The following NUBPL variants were observed in gnomAD, a reference collection of about 807,000 sequenced individuals.
NUBPL encodes NUBP iron-sulfur cluster assembly factor, mitochondrial, also known as iron-sulfur cluster transfer protein NUBPL.
Under a neutral mutation model 45.7 loss-of-function variants are expected in NUBPL, and 31 were observed. The observed-to-expected ratio is 0.68, with a 90% CI of 0.51 to 0.92. The LOEUF (loss-of-function observed/expected upper bound fraction) is 0.92, where lower values mean the gene tolerates loss of function less well. Among genes scored for constraint, NUBPL ranks in the 40% least tolerant of loss-of-function variants. The pLI is 0.00. For missense variants in NUBPL, 401 were observed against 398.7 expected, an observed-to-expected ratio of 1.01 and a Z score of -0.05; for synonymous variants, 144 against 140.9, an observed-to-expected ratio of 1.02 and a Z score of -0.15.
rs116335828 is a variant in NUBPL, at chr14:31,839,363, A to G, written c.694-7108A>G. On this transcript the variant is annotated intron_variant, in intron 8 of 10. Coordinates refer to ENST00000281081, the MANE Select transcript of NUBPL (RefSeq NM_025152.3). Reference sequence around the variant, plus strand: ...GAGGTGCCAAGAACACACAATGGAGAAAGGACAGTTGCTTCAATAAATGGT... The same window carrying G: ...GAGGTGCCAAGAACACACAATGGAGGAAGGACAGTTGCTTCAATAAATGGT... Among the ~76,000 whole-genome samples, 1,021 of 152,260 alleles carry G rather than the reference A, an allele frequency of 6.7e-3. 13 individuals carry two copies. The highest frequency in any genetic ancestry group is 0.023 in the African/African-American group (961 of 41,560).
At chr14:31,684,279 T>TG (rs2036903581) in intron 6 of NUBPL, among the ~76,000 whole-genome samples, 2 of 152,238 alleles carry the variant, frequency 1.3e-5, no homozygotes, top group African/African-American at 4.8e-5. Context: ...GTCATGTACA[T>TG]GGGTTTTGTA....
chr14:31,703,474 T>C (rs144909181), intron 6 of NUBPL, among the ~76,000 whole-genome samples: 2 of 152,318 alleles, frequency 1.3e-5, no homozygotes, highest in African/African-American at 2.4e-5. Context: ...GATAAAGATG[T>C]ACCTGAGACT....
At chr14:31,702,342 C>T (rs1033487974) in intron 6 of NUBPL, among the ~76,000 whole-genome samples, 5 of 152,120 alleles carry the variant, frequency 3.3e-5, no homozygotes, top group African/African-American at 1.2e-4. Flanking sequence ...GATTGATTGT[C>T]CATATGGCTG....
chr14:31,638,342 T>TCATAA (rs2035570803), intron 4 of NUBPL, among the ~76,000 whole-genome samples: 3 of 151,790 alleles, frequency 2.0e-5, no homozygotes, highest in Admixed American at 2.0e-4. Flanking sequence ...TCTCCTTCAC[T>TCATAA]TATGAAGCTT....
chr14:31,562,237 A>G, intron 2 of NUBPL, 22 bp downstream of exon 2: 1 of 1,601,142 alleles, frequency 6.2e-7, no homozygotes, highest in African/African-American at 1.3e-5. Context: ...TATTAATTCT[A>G]TTCCTGATTA....
At chr14:31,650,550 A>G (rs1207496641) in intron 4 of NUBPL, among the ~76,000 whole-genome samples, 1 of 152,068 alleles carries the variant, frequency 6.6e-6, no homozygotes. Context: ...CGGCCTCCCA[A>G]AGTGTTGGGA....
chr14:31,697,987 A>G (rs551461080), intron 6 of NUBPL, among the ~76,000 whole-genome samples: 7 of 152,328 alleles, frequency 4.6e-5, no homozygotes, highest in African/African-American at 1.7e-4. Context: ...ACAGATCCCA[A>G]GCAGGCGATG....
intron 7 of NUBPL, among the ~76,000 whole-genome samples, chr14:31,802,118 G>A (rs557355383): frequency 1.2e-4 from 18 of 152,264 alleles, no homozygotes; most frequent in Middle Eastern, 3.4e-3. Context: ...ATGAATAAAC[G>A]AATGCCCTTA....
At chr14:31,650,368 C>A (rs2139735665) in intron 4 of NUBPL, among the ~76,000 whole-genome samples, 1 of 146,954 alleles carries the variant, frequency 6.8e-6, no homozygotes, top group African/African-American at 2.6e-5. Flanking sequence ...CAGCTCACTG[C>A]AAGCTCCGCC....
intron 6 of NUBPL, among the ~76,000 whole-genome samples, chr14:31,772,154 T>C (rs1016364239): frequency 3.3e-5 from 5 of 152,218 alleles, no homozygotes; most frequent in African/African-American, 1.2e-4. Flanking sequence ...TGTAGCTTTA[T>C]ATTTTTCTTT....
At chr14:31,636,517 T>G (rs1208710309) in intron 4 of NUBPL, among the ~76,000 whole-genome samples, 2 of 152,166 alleles carry the variant, frequency 1.3e-5, no homozygotes, top group Non-Finnish European at 2.9e-5. Flanking sequence ...GATTTTTGCA[T>G]CAATGTTCAT....
In NUBPL at chr14:31,599,982, T is replaced by C. The variant is rs111342762; in HGVS notation, c.382+603T>C. Among the ~76,000 whole-genome samples the C allele has an allele frequency of 6.4e-4, 96 of 149,778 alleles. 1 individual carries two copies. Among genetic ancestry groups the C allele is most frequent in the African/African-American group, 2.1e-3 (84 of 40,914 alleles). The stretch of plus-strand genomic sequence containing the variant: ...TGCTGCCCAGGCTGGAATGCAGTGG[T>C]GTGATCTCGGCTCACTGCAACCTCT... On this transcript the variant is annotated intron_variant, in intron 4 of 10. Coordinates refer to ENST00000281081, the MANE Select transcript of NUBPL (RefSeq NM_025152.3).
intron 6 of NUBPL, among the ~76,000 whole-genome samples, chr14:31,767,033 C>T (rs1004123970): frequency 1.8e-4 from 28 of 151,784 alleles, no homozygotes; most frequent in South Asian, 4.2e-4. Flanking sequence ...AATTTTCTAA[C>T]GGCAAAATCC....
intron 3 of NUBPL, among the ~76,000 whole-genome samples, chr14:31,565,957 AT>A (rs893102750): frequency 2.6e-5 from 4 of 152,144 alleles, no homozygotes; most frequent in African/African-American, 4.8e-5. Context: ...ATTAAAAAAA[AT>A]AACATTCAAC....
chr14:31,687,104 C>A (rs746682625), intron 6 of NUBPL, among the ~76,000 whole-genome samples: 6 of 151,950 alleles, frequency 3.9e-5, no homozygotes, highest in Admixed American at 6.6e-5. Flanking sequence ...CAGAGTGAGA[C>A]CCTGTTTCAA....
chr14:31,703,170 T>C (rs533219972), intron 6 of NUBPL: 1 of 152,400 alleles, frequency 6.6e-6, no homozygotes, highest in South Asian at 2.1e-4. Flanking sequence ...GGAAAGTGCA[T>C]TTGGAAGAGA....
intron 7 of NUBPL, among the ~76,000 whole-genome samples, chr14:31,798,791 CAAAAAAAAAAAA>C (rs1164176250): frequency 1.9e-5 from 1 of 53,504 alleles, no homozygotes; most frequent in Non-Finnish European, 2.9e-5. Flanking sequence ...GACTCCGTCT[CAAAAAAAAAAAA>C]AAAAAAAAAA....
intron 4 of NUBPL, among the ~76,000 whole-genome samples, chr14:31,657,478 C>T (rs1464515311): frequency 2.6e-5 from 4 of 152,242 alleles, no homozygotes; most frequent in South Asian, 2.1e-4. Flanking sequence ...AAGGCCACAC[C>T]GAAGCCAGTG....
chr14:31,617,355 G>T (rs1195673155), intron 4 of NUBPL, among the ~76,000 whole-genome samples: 1 of 152,146 alleles, frequency 6.6e-6, no homozygotes, highest in Admixed American at 6.5e-5. Flanking sequence ...TCTTGTGTCA[G>T]TTTTCAAAGG....
Sources: allele counts gnomAD v4.1 joint callset (sites outside exome capture counted in the v4.1 genomes callset), GRCh38; gene constraint gnomAD v4.1.1; transcripts MANE v1.5; gene names NCBI Gene and HGNC (gene_info 2026-07-23, HGNC 2026-07-21).